EIF1AD: variants seen among roughly 807,000 people sequenced by gnomAD.
EIF1AD encodes the protein eukaryotic translation initiation factor 1A domain containing, also known as probable RNA-binding protein EIF1AD.
EIF1AD carries 9 observed loss-of-function variants against 21.7 expected under a neutral mutation model. The observed-to-expected ratio is 0.41, with a 90% CI of 0.25 to 0.72. EIF1AD has a LOEUF of 0.72. EIF1AD is among the 30% of genes least tolerant of loss of function. EIF1AD has a pLI of 0.29. For missense variants in EIF1AD, 164 were observed against 199.7 expected (o/e 0.82, Z 1.08); for synonymous variants, 78 against 70.9 (o/e 1.10, Z -0.50).
chr11:66,000,682 T>G (rs1211500135), intron 1 of EIF1AD, 177 bp from the exon 2 acceptor site: 3 of 297,286 alleles, frequency 1.0e-5, no homozygotes, highest in African/African-American at 4.2e-5. Context: ...CCTGTTGGCC[T>G]TCTTAGTTTC....
rs1855746567 is a variant in EIF1AD, at chr11:65,996,992, A to C, written c.*1607T>G. The C allele has an allele frequency of 6.6e-6, 1 of 152,260 alleles. No homozygotes were observed. The highest frequency in any genetic ancestry group is 2.4e-5 in the African/African-American group (1 of 41,430). The allele number at this position is 152,260 out of a possible 1,614,324, so 9.4% of individuals were successfully genotyped here. On this transcript the variant is annotated 3_prime_UTR_variant, in exon 6 of 6. Transcript: ENST00000533544. ...GACCACTTGAGGTCAGGAGTTCGAG[A>C]CCAGCCTGGCCAACATGGCAAAACC...
rs1855878041 is a variant in EIF1AD, at chr11:65,999,929, C to A, written c.196+124G>T. On this transcript the variant is annotated intron_variant, in intron 3 of 5. Coordinates refer to ENST00000533544, the MANE Select transcript of EIF1AD (RefSeq NM_001242481.2). ...TCCTGAGTAGCTGGGATCACAGGCACGTGCCCAACTAATTTTTTTCTTTTT... is the reference window on the plus strand; with the variant it reads ...TCCTGAGTAGCTGGGATCACAGGCAAGTGCCCAACTAATTTTTTTCTTTTT... 6.7e-6 allele frequency: 5 copies of A among 744,834 alleles called. No homozygotes were observed. The East Asian group carries it at 1.3e-4, about 20-fold the overall frequency. 46.1% of individuals were successfully genotyped at this position (744,834 alleles called of 1,614,324 possible).
In EIF1AD at chr11:65,998,254, G is replaced by A. The variant is rs117625825; in HGVS notation, c.*345C>T. On this transcript the variant is annotated 3_prime_UTR_variant, in exon 6 of 6. Coordinates refer to ENST00000533544, the MANE Select transcript of EIF1AD (RefSeq NM_001242481.2). ...TGCAAGAAGGCCCAGAGCACGGCCTGGCACTTTCTAAGTGCCCAATAAGAA... is the reference window on the plus strand; with the variant it reads ...TGCAAGAAGGCCCAGAGCACGGCCTAGCACTTTCTAAGTGCCCAATAAGAA... 2.6e-4 allele frequency: 51 copies of A among 192,810 alleles called. 1 individual carries two copies. In the East Asian group the frequency reaches 6.4e-3, roughly 24 times the overall value. The allele number at this position is 192,810 out of a possible 1,614,324, so 11.9% of individuals were successfully genotyped here.
rs1855788569 is a variant in EIF1AD at position 65,997,899 on chromosome 11, T to C, written c.*700A>G. 1 of 152,178 alleles carries C rather than the reference T, an allele frequency of 6.6e-6. No homozygotes were observed. 9.4% of individuals were successfully genotyped at this position (152,178 alleles called of 1,614,324 possible). A position where few individuals can be genotyped will look rare whatever the true frequency, so the allele number is the denominator to read the frequency against. On this transcript the variant is annotated 3_prime_UTR_variant, in exon 6 of 6. Coordinates refer to ENST00000533544, the MANE Select transcript of EIF1AD (RefSeq NM_001242481.2). ...GACAATCAATGTCCTCAGGGAATAA[T>C]CAGGTTTCAAATAAAGTCAGGAGAT...
Position 65,998,520 on chromosome 11 carries a change from C to CAG in EIF1AD, c.*77_*78dup, listed in dbSNP as rs1855812258. The CAG allele has an allele frequency of 1.3e-6, 2 of 1,552,182 alleles. No individual in the cohort carries two copies. Among genetic ancestry groups the CAG allele is most frequent in the Non-Finnish European group, 1.7e-6 (2 of 1,144,684 alleles). ...GTCCTCATGCAGGGGTGAAGATGTG[C>CAG]AGAGCACCCTGGGAATGTCCAAGCC... On this transcript the variant is annotated 3_prime_UTR_variant, in exon 6 of 6. Coordinates refer to ENST00000533544, the MANE Select transcript of EIF1AD (RefSeq NM_001242481.2).
At position 65,998,155 on chromosome 11, in the gene EIF1AD, T is replaced by A. The variant is rs1855798357; in HGVS notation, c.*444A>T. 6.3e-6 allele frequency: 1 copy of A among 157,694 alleles called. No individual in the cohort carries two copies. Among genetic ancestry groups the A allele is most frequent in the Non-Finnish European group, 1.4e-5 (1 of 71,180 alleles). 9.8% of individuals were successfully genotyped at this position (157,694 alleles called of 1,614,324 possible). On this transcript the variant is annotated 3_prime_UTR_variant, in exon 6 of 6. Coordinates refer to ENST00000533544, the MANE Select transcript of EIF1AD (RefSeq NM_001242481.2). ...AGGTGGGTGTTAGGTCCTAGGGCTG[T>A]CATCCTGAATGCTTAAATTGGTATG...
Position 65,998,463 on chromosome 11 carries a change from CA to C in EIF1AD, c.*135del. ...CCACCAGGGGTTTAATTCTCTGAAT[CA>C]AAAGATCAGTTCAGAGAGGAGCCCT... On this transcript the variant is annotated 3_prime_UTR_variant, in exon 6 of 6. Transcript: ENST00000533544. 9.1e-7 allele frequency: 1 copy of C among 1,104,748 alleles called. No individual in the cohort carries two copies. The highest frequency in any genetic ancestry group is 1.2e-6 in the Non-Finnish European group (1 of 800,280). 68.4% of individuals were successfully genotyped at this position (1,104,748 alleles called of 1,614,324 possible).
chr11:66,000,116 G>C lies in EIF1AD; in HGVS notation c.133C>G (p.Gln45Glu), dbSNP rs141278630. 2 of 1,614,164 alleles carry C rather than the reference G, an allele frequency of 1.2e-6. No homozygotes were observed. The highest frequency in any genetic ancestry group is 1.7e-6 in the Non-Finnish European group (2 of 1,180,024). ...ATGCTCACCAGGAAGCGCTGCCCTT[G>C]GGCTGTCTCCACCTCATGCAGATTG... ...GNNLHEVETA[Q>E]GQRFLVSMPS... Residue 45 changes from glutamine (Q) to glutamate (E), a missense_variant, in exon 3 of 6, where the codon CAA (glutamine) becomes GAA (glutamate). Transcript: ENST00000533544.
intron 1 of EIF1AD, among the ~76,000 whole-genome samples, chr11:66,001,106 A>G (rs1274595520): frequency 1.3e-5 from 2 of 152,140 alleles, no homozygotes; most frequent in Non-Finnish European, 2.9e-5. Flanking sequence ...TCCTTCTTTA[A>G]TCTGGTGTCT....
At chr11:65,999,278 A>C (rs1855844394) in intron 5 of EIF1AD, 72 bp downstream of exon 5, 2 of 1,598,736 alleles carry the variant, frequency 1.3e-6, no homozygotes, top group South Asian at 1.1e-5. Flanking sequence ...AGAAGGCTCT[A>C]TTTTTCCCTC....
At position 65,998,199 on chromosome 11, in the gene EIF1AD, AAGC is replaced by A. The variant is rs1254550908; in HGVS notation, c.*397_*399del. ...TGGTATGAACTGCAAGCAGGCAAGG[AAGC>A]AGGAGTGCTCCCAGCTGTTAAACAC... On this transcript the variant is annotated 3_prime_UTR_variant, in exon 6 of 6. Coordinates refer to ENST00000533544, the MANE Select transcript of EIF1AD (RefSeq NM_001242481.2). 1.2e-5 allele frequency: 2 copies of A among 164,844 alleles called. No homozygotes were observed. Among genetic ancestry groups the A allele is most frequent in the African/African-American group, 4.8e-5 (2 of 41,690 alleles). The allele number at this position is 164,844 out of a possible 1,614,324, so 10.2% of individuals were successfully genotyped here.
rs373542164 is a variant in EIF1AD at position 66,000,293 on chromosome 11, C to A, written c.87+10G>T. The A allele has an allele frequency of 1.5e-5, 24 of 1,613,290 alleles. No individual in the cohort carries two copies. The highest frequency in any genetic ancestry group is 2.0e-5 in the Non-Finnish European group (24 of 1,179,680). On this transcript the variant is annotated intron_variant, in intron 2 of 5. Coordinates refer to ENST00000533544, the MANE Select transcript of EIF1AD (RefSeq NM_001242481.2). ...GGGGAGCAGAACAGCTTGTGCCCCA[C>A]GCCACTCACCCTGACAATCTGCTGC...
In EIF1AD at chr11:65,997,388, A is replaced by C. The variant is rs1266702669; in HGVS notation, c.*1211T>G. On this transcript the variant is annotated 3_prime_UTR_variant, in exon 6 of 6. Transcript: ENST00000533544. The stretch of plus-strand genomic sequence containing the variant: ...ACACAAGAGGTAAGGTTTAAGTCCC[A>C]TTGGCTTACGACAGGAAGATATGTG... 6.6e-6 allele frequency: 1 copy of C among 151,558 alleles called. No homozygotes were observed. Among genetic ancestry groups the C allele is most frequent in the Non-Finnish European group, 1.5e-5 (1 of 67,898 alleles). The allele number at this position is 151,558 out of a possible 1,614,324, so 9.4% of individuals were successfully genotyped here.
chr11:65,999,733 G>C, intron 3 of EIF1AD, 58 bp from the exon 4 acceptor site: 1 of 1,258,860 alleles, frequency 7.9e-7, no homozygotes, highest in South Asian at 1.2e-5. Flanking sequence ...GAAAGCCAAA[G>C]CCATAGGAAG....
rs768654520 is a variant in EIF1AD at position 66,000,164 on chromosome 11, G to C, written c.88-3C>G. 6.2e-7 allele frequency: 1 copy of C among 1,612,046 alleles called. No individual in the cohort carries two copies. On this transcript the variant is annotated splice_region_variant and splice_polypyrimidine_tract_variant and intron_variant, in intron 2 of 5. Coordinates refer to ENST00000533544, the MANE Select transcript of EIF1AD (RefSeq NM_001242481.2). ...TTGTTCCCTGGGGTCCTGAGTACCT[G>C]GTTCAGGAGAGACCAAGAATCAGTC...
Position 65,997,618 on chromosome 11 carries a change from T to C in EIF1AD, c.*981A>G, listed in dbSNP as rs1168021592. 1 of 152,288 alleles carries C rather than the reference T, an allele frequency of 6.6e-6. No homozygotes were observed. Among genetic ancestry groups the C allele is most frequent in the Non-Finnish European group, 1.5e-5 (1 of 68,094 alleles). 9.4% of individuals were successfully genotyped at this position (152,288 alleles called of 1,614,324 possible). On this transcript the variant is annotated 3_prime_UTR_variant, in exon 6 of 6. Transcript: ENST00000533544. ...AATGATAAACGTAAGGTACAACTGGTGGCCAGGCTGGCTGTTTTCTCACCT... is the reference window on the plus strand; with the variant it reads ...AATGATAAACGTAAGGTACAACTGGCGGCCAGGCTGGCTGTTTTCTCACCT...
intron 1 of EIF1AD, among the ~76,000 whole-genome samples, chr11:66,001,184 G>C (rs1855942016): frequency 6.6e-6 from 1 of 152,168 alleles, no homozygotes; most frequent in South Asian, 2.1e-4. Context: ...TCATGTAAAA[G>C]TAACTCCGGC....
chr11:65,999,567 C>T lies in EIF1AD; in HGVS notation c.305G>A (p.Trp102Ter). Reference protein sequence around the residue: ...HVRSLQKEGFWPEAFSEVAEK... With the variant: ...HVRSLQKEGF ...GCCAATGATCAAGGGGACCACCTACCAAAACCCCTCCTTCTGCAGAGAGCG... is the reference window on the plus strand; with the variant it reads ...GCCAATGATCAAGGGGACCACCTACTAAAACCCCTCCTTCTGCAGAGAGCG... The change falls in exon 4 of 6, where the codon TGG (tryptophan) becomes TAG (stop). Residue 102 changes from tryptophan to a stop codon, truncating the protein, a stop_gained and splice_region_variant. Coordinates refer to ENST00000533544, the MANE Select transcript of EIF1AD (RefSeq NM_001242481.2). LOFTEE classifies it high-confidence loss of function. The T allele has an allele frequency of 6.2e-7, 1 of 1,612,632 alleles. No individual in the cohort carries two copies. The highest frequency in any genetic ancestry group is 8.5e-7 in the Non-Finnish European group (1 of 1,179,090).
rs200996471 is a variant in EIF1AD at position 65,998,749 on chromosome 11, C to T, written c.354-6G>A. On this transcript the variant is annotated splice_polypyrimidine_tract_variant and splice_region_variant and intron_variant, in intron 5 of 5. Transcript: ENST00000533544. ...GGAGTTCTGGTTGAGTTTGTCTGCACGAAGGGAAGAGAGCAGGGTTAGCCC... is the reference window on the plus strand; with the variant it reads ...GGAGTTCTGGTTGAGTTTGTCTGCATGAAGGGAAGAGAGCAGGGTTAGCCC... The T allele has an allele frequency of 2.0e-3, 3,167 of 1,613,792 alleles. 10 individuals are homozygous for T. The highest frequency in any genetic ancestry group is 2.5e-3 in the Non-Finnish European group (2,963 of 1,179,852).
Sources: allele counts gnomAD v4.1 joint callset (sites outside exome capture counted in the v4.1 genomes callset), GRCh38; gene constraint gnomAD v4.1.1; transcripts MANE v1.5; gene names NCBI Gene and HGNC (gene_info 2026-07-23, HGNC 2026-07-21).